Variants in LYPD1 observed in about 807,000 individuals in gnomAD.
The protein encoded by LYPD1 is ly6/PLAUR domain-containing protein 1.
LYPD1 carries 14 observed loss-of-function variants against 14.2 expected under a neutral mutation model. The ratio of observed to expected loss-of-function variants is 0.99; its 90% CI spans 0.65 to 1.54. The LOEUF is 1.54. Among genes scored for constraint, LYPD1 ranks in the 40% most tolerant of loss-of-function variants. LYPD1 has a pLI of 0.00. For synonymous variants in LYPD1, 85 were observed against 70.6 expected, an observed-to-expected ratio of 1.20 and a Z score of -1.02; for missense variants, 165 against 175.7, an observed-to-expected ratio of 0.94 and a Z score of 0.34.
At chr2:132,667,190 C>A (rs1398307563) in intron 2 of LYPD1, among the ~76,000 whole-genome samples, 1 of 152,170 alleles carries the variant, frequency 6.6e-6, no homozygotes, top group Non-Finnish European at 1.5e-5. Flanking sequence ...ATGTTTACCG[C>A]ATTTCTCGAG....
chr2:132,647,068 T>TTATTCAATTC (rs1246709175), intron 2 of LYPD1, among the ~76,000 whole-genome samples: 3 of 152,200 alleles, frequency 2.0e-5, no homozygotes, highest in Admixed American at 6.5e-5. Context: ...AGGTGGAAGT[T>TTATTCAATTC]TATTCAATTC....
chr2:132,659,345 G>A (rs577892528), intron 2 of LYPD1, among the ~76,000 whole-genome samples: 2 of 152,112 alleles, frequency 1.3e-5, no homozygotes, highest in East Asian at 1.9e-4. Context: ...GGAAGGTGAG[G>A]TAGAGAGAGA....
intron 2 of LYPD1, among the ~76,000 whole-genome samples, chr2:132,654,941 G>A (rs1682503236): frequency 6.6e-6 from 1 of 151,888 alleles, no homozygotes; most frequent in African/African-American, 2.4e-5. Context: ...GTAGAGACGG[G>A]GTTTCACCAT....
Position 132,645,825 on chromosome 2 carries a change from C to CT in LYPD1, c.*219dup. ...ACATGGGGGTGAACTTTCACTCCAC[C>CT]TCCTTCCTTCAAGTACATACTGAAA... On this transcript the variant is annotated 3_prime_UTR_variant, in exon 3 of 3. Transcript: ENST00000397463. 1.5e-6 allele frequency: 1 copy of CT among 685,504 alleles called. No homozygotes were observed. 42.5% of individuals were successfully genotyped at this position (685,504 alleles called of 1,614,324 possible).
rs534408545 is a variant in LYPD1, at chr2:132,645,149, G to A, written c.*896C>T. Reference sequence around the variant, plus strand: ...GTATGCTGGATGCCCAACCAGATTCGGAGGATCATGGCTGCGGCCAAACCC... The same window carrying A: ...GTATGCTGGATGCCCAACCAGATTCAGAGGATCATGGCTGCGGCCAAACCC... On this transcript the variant is annotated 3_prime_UTR_variant, in exon 3 of 3. Coordinates refer to ENST00000397463, the MANE Select transcript of LYPD1 (RefSeq NM_144586.7). 17 of 1,614,054 alleles carry A rather than the reference G, an allele frequency of 1.1e-5. No homozygotes were observed. Among genetic ancestry groups the A allele is most frequent in the East Asian group, 2.2e-5 (1 of 44,862 alleles).
chr2:132,655,157 T>A (rs1436592221), intron 2 of LYPD1, among the ~76,000 whole-genome samples: 2 of 152,124 alleles, frequency 1.3e-5, no homozygotes, highest in African/African-American at 2.4e-5. Flanking sequence ...TGAAATTGAG[T>A]GACTCATAGC....
upstream of LYPD1, chr2:132,671,128 T>TC (rs1453043751): frequency 6.6e-6 from 1 of 152,418 alleles, no homozygotes; most frequent in African/African-American, 2.4e-5. Flanking sequence ...CTCTGGCTGC[T>TC]CCCCACACCC....
At chr2:132,671,465 G>C (rs2104938010), upstream of LYPD1, 1 of 152,362 alleles carries the variant, frequency 6.6e-6, no homozygotes, top group South Asian at 2.1e-4. Flanking sequence ...CAGCAGAGCT[G>C]GTCTGTAAAG....
Position 132,645,387 on chromosome 2 carries a change from C to A in LYPD1, c.*658G>T. 1 of 1,613,816 alleles carries A rather than the reference C, an allele frequency of 6.2e-7. No individual in the cohort carries two copies. Among genetic ancestry groups the A allele is most frequent in the Non-Finnish European group, 8.5e-7 (1 of 1,180,010 alleles). ...GCCTGCGCGTACATGCGCACTCCACCACCGACAGCGCCCGCTTTGTGCAGC... is the reference window on the plus strand; with the variant it reads ...GCCTGCGCGTACATGCGCACTCCACAACCGACAGCGCCCGCTTTGTGCAGC... On this transcript the variant is annotated 3_prime_UTR_variant, in exon 3 of 3. Transcript: ENST00000397463.
chr2:132,657,275 C>T (rs1283940826), intron 2 of LYPD1, among the ~76,000 whole-genome samples: 7 of 152,280 alleles, frequency 4.6e-5, no homozygotes, highest in East Asian at 1.9e-4. Context: ...AAGGTTTCTG[C>T]GCAGTCACTT....
In LYPD1 at chr2:132,646,156, AAG is replaced by A. The variant is rs1438878379; in HGVS notation, c.313_314del (p.Cys106Ter). On this transcript the variant is annotated frameshift_variant, in exon 3 of 3. Coordinates refer to ENST00000397463, the MANE Select transcript of LYPD1 (RefSeq NM_144586.7). LOFTEE classifies it high-confidence loss of function. Reference sequence around the variant, plus strand: ...TTTTCTTGGGCCTTGGCCCGTTACAAAGAGGGGTGTTGCAGCAGCTGATGCAA... The same window carrying A: ...TTTTCTTGGGCCTTGGCCCGTTACAAAGGGGTGTTGCAGCAGCTGATGCAA... ...SVCISCCNTP[L>X]CNGPRPKKRG... The A allele has an allele frequency of 2.5e-6, 4 of 1,612,098 alleles. No homozygotes were observed. The highest frequency in any genetic ancestry group is 8.5e-7 in the Non-Finnish European group (1 of 1,178,876).
In LYPD1 at chr2:132,670,122, C is replaced by G. The variant is rs757978238; in HGVS notation, c.-190G>C. On this transcript the variant is annotated 5_prime_UTR_variant, in exon 1 of 3. Coordinates refer to ENST00000397463, the MANE Select transcript of LYPD1 (RefSeq NM_144586.7). This position sits in a 1 kb window ranked among gnomAD's most constrained non-coding sequence, Gnocchi z 4.5. ...GGAGCCTGCATCGCCCGCGCTCGGG[C>G]TCCCGGCTGCGGGTCTCTGCTCCTC... is the stretch of plus-strand genomic sequence containing the variant. The G allele has an allele frequency of 2.0e-4, 282 of 1,407,512 alleles. No individual in the cohort carries two copies. The highest frequency in any genetic ancestry group is 2.5e-4 in the Non-Finnish European group (270 of 1,092,398). The allele number at this position is 1,407,512 out of a possible 1,614,324, so 87.2% of individuals were successfully genotyped here.
chr2:132,668,842 C>T (rs554153826), intron 1 of LYPD1, among the ~76,000 whole-genome samples: 45 of 152,336 alleles, frequency 3.0e-4, no homozygotes, highest in Admixed American at 2.5e-3. Context: ...GGGACGGTAC[C>T]ACCGCAAGAG....
chr2:132,665,086 G>A (rs1313165180), intron 2 of LYPD1, among the ~76,000 whole-genome samples: 1 of 152,174 alleles, frequency 6.6e-6, no homozygotes. Flanking sequence ...TGACCAAAGG[G>A]AACAAGAGTG....
intron 2 of LYPD1, among the ~76,000 whole-genome samples, chr2:132,657,059 G>A (rs1279004458): frequency 6.6e-6 from 1 of 152,218 alleles, no homozygotes; most frequent in African/African-American, 2.4e-5. Flanking sequence ...TAACAGGGAT[G>A]CGTTAAGTTC....
At chr2:132,657,303 G>A (rs1306391397) in intron 2 of LYPD1, among the ~76,000 whole-genome samples, 2 of 152,168 alleles carry the variant, frequency 1.3e-5, no homozygotes, top group Non-Finnish European at 2.9e-5. Context: ...CTTAGCTGGT[G>A]TCTTTGTTCT....
In LYPD1 at chr2:132,643,748, A is replaced by G. The variant is rs1397240570; in HGVS notation, c.*2297T>C. ...TTGCCTAGGTGGGTCTCAAATTTCT[A>G]GGCTTAAGTGATCCTTCTGCCTTGG... On this transcript the variant is annotated 3_prime_UTR_variant, in exon 3 of 3. Transcript: ENST00000397463. Among the ~76,000 whole-genome samples, 2 of 152,150 alleles carry G rather than the reference A, an allele frequency of 1.3e-5. No individual in the cohort carries two copies. The highest frequency in any genetic ancestry group is 2.9e-5 in the Non-Finnish European group (2 of 68,040).
In LYPD1 at chr2:132,644,757, CCA is replaced by C. The variant is rs1451244204; in HGVS notation, c.*1286_*1287del. On this transcript the variant is annotated 3_prime_UTR_variant, in exon 3 of 3. Coordinates refer to ENST00000397463, the MANE Select transcript of LYPD1 (RefSeq NM_144586.7). ...TTCTTTAAAACAAAAAAAGACAAAA[CCA>C]GATTTATGGATAACATGAACTGCTT... 6 of 238,914 alleles carry C rather than the reference CCA, an allele frequency of 2.5e-5. No individual in the cohort carries two copies. In the East Asian group the frequency reaches 6.3e-4, roughly 25 times the overall value. 14.8% of individuals were successfully genotyped at this position (238,914 alleles called of 1,614,324 possible).
chr2:132,666,844 A>T (rs1683297988), intron 2 of LYPD1: 1 of 152,230 alleles, frequency 6.6e-6, no homozygotes, highest in Admixed American at 6.5e-5. Flanking sequence ...CAGGTGATAA[A>T]ATATGACACC....
Sources: gnomAD v4.1 joint callset for allele counts (sites outside exome capture counted in the v4.1 genomes callset) on GRCh38, gnomAD v4.1.1 for gene constraint, Gnocchi (gnomAD v3.1) non-coding constraint, MANE v1.5 for transcripts, NCBI Gene and HGNC (gene_info 2026-07-23, HGNC 2026-07-21) for gene names.